PSD3: variants seen among roughly 807,000 people sequenced by gnomAD.
The protein encoded by PSD3 is pleckstrin and Sec7 domain containing 3, also known as PH and SEC7 domain-containing protein 3.
Under a neutral mutation model 105.5 loss-of-function variants are expected in PSD3, and 49 were observed. The ratio of observed to expected loss-of-function variants is 0.46; its 90% CI spans 0.37 to 0.59. The LOEUF is 0.59. Ranked by LOEUF, PSD3 falls within the 20% of genes least tolerant of loss-of-function variation. PSD3 has a pLI of 0.00. For synonymous variants in PSD3, 557 were observed against 457.8 expected (o/e 1.22, Z -2.77); for missense variants, 1,561 against 1,263.8 (o/e 1.24, Z -3.57).
chr8:18,662,203 A>T (rs1809398211), intron 9 of PSD3, among the ~76,000 whole-genome samples: 1 of 152,184 alleles, frequency 6.6e-6, no homozygotes, highest in Non-Finnish European at 1.5e-5. Flanking sequence ...CCCTTATCTT[A>T]TTGAAAGAGA....
intron 2 of PSD3, among the ~76,000 whole-genome samples, chr8:18,873,343 T>C (rs1817517294): frequency 6.6e-6 from 1 of 152,234 alleles, no homozygotes; most frequent in South Asian, 2.1e-4. Context: ...ACTTAGTGTG[T>C]TGAGAAAGAC....
At chr8:18,659,258 T>C (rs1415259913) in intron 9 of PSD3, among the ~76,000 whole-genome samples, 1 of 152,198 alleles carries the variant, frequency 6.6e-6, no homozygotes, top group Non-Finnish European at 1.5e-5. Flanking sequence ...ATTAATGCCA[T>C]TGAATATTCA....
chr8:18,966,746 C>G (rs561674821), intron 1 of PSD3, among the ~76,000 whole-genome samples: 1 of 152,072 alleles, frequency 6.6e-6, no homozygotes, highest in Admixed American at 6.6e-5. Flanking sequence ...GACCAACGGG[C>G]ACATCTTCTT....
chr8:18,713,904 A>C (rs1405411728), intron 9 of PSD3, among the ~76,000 whole-genome samples: 1 of 152,194 alleles, frequency 6.6e-6, no homozygotes, highest in Admixed American at 6.5e-5. Flanking sequence ...CAGTAACCAA[A>C]ACAGTATGGT....
rs1009335036 is a variant in PSD3, at chr8:19,013,660, G to C, written c.-77C>G. The stretch of plus-strand genomic sequence containing the variant: ...GCCGCAGCCTCAGGGCGCGAGTGCC[G>C]GCGGCCAGCGCCGCGTGCTCTTTGT... On this transcript the variant is annotated 5_prime_UTR_variant, in exon 1 of 16. Transcript: ENST00000327040. 1.8e-5 allele frequency: 21 copies of C among 1,196,886 alleles called. No individual in the cohort carries two copies. Among genetic ancestry groups the C allele is most frequent in the South Asian group, 6.6e-5 (2 of 30,208 alleles). The allele number at this position is 1,196,886 out of a possible 1,614,324, so 74.1% of individuals were successfully genotyped here. A position where few individuals can be genotyped will look rare whatever the true frequency, so the allele number is the denominator to read the frequency against.
At chr8:18,737,221 C>A (rs548424377) in intron 9 of PSD3, among the ~76,000 whole-genome samples, 42 of 152,324 alleles carry the variant, frequency 2.8e-4, no homozygotes, top group African/African-American at 8.4e-4. Context: ...ATAGCCACAG[C>A]TGAGAAACAC....
At chr8:18,868,384 G>T (rs912500103) in intron 3 of PSD3, among the ~76,000 whole-genome samples, 1 of 152,150 alleles carries the variant, frequency 6.6e-6, no homozygotes, top group South Asian at 2.1e-4. Context: ...TACACATTCA[G>T]ATTATTTGCA....
intron 1 of PSD3, among the ~76,000 whole-genome samples, chr8:19,045,739 C>T (rs1380236736): frequency 6.6e-6 from 1 of 152,184 alleles, no homozygotes; most frequent in Non-Finnish European, 1.5e-5. Flanking sequence ...AGCCAAAAAC[C>T]AGCTAGTGTT....
chr8:18,649,748 G>C (rs1176682397), intron 10 of PSD3, among the ~76,000 whole-genome samples: 1 of 152,224 alleles, frequency 6.6e-6, no homozygotes, highest in Non-Finnish European at 1.5e-5. Flanking sequence ...TAAGTGATTG[G>C]ATCATGGGGG....
intron 14 of PSD3, among the ~76,000 whole-genome samples, chr8:18,560,321 G>C (rs17126810): frequency 0.03 from 4,510 of 152,138 alleles, 144 homozygotes; most frequent in African/African-American, 0.083. Flanking sequence ...AACTACATTT[G>C]TAATAGACAC....
At chr8:18,710,397 C>G (rs950322420) in intron 9 of PSD3, among the ~76,000 whole-genome samples, 1 of 152,076 alleles carries the variant, frequency 6.6e-6, no homozygotes, top group African/African-American at 2.4e-5. Context: ...ACAGGGGGAA[C>G]AGAACCAGGT....
chr8:18,576,277 T>A (rs776375515), intron 12 of PSD3, among the ~76,000 whole-genome samples: 3 of 152,152 alleles, frequency 2.0e-5, no homozygotes, highest in Non-Finnish European at 4.4e-5. Flanking sequence ...TACAATATGA[T>A]GTAAATACCA....
chr8:19,063,233 G>A (rs1828962596), intron 1 of PSD3, among the ~76,000 whole-genome samples: 2 of 152,130 alleles, frequency 1.3e-5, no homozygotes, highest in African/African-American at 4.8e-5. Context: ...TCTAAATTGG[G>A]CACACTGGTT....
At chr8:18,791,657 A>C (rs1283123503) in intron 8 of PSD3, among the ~76,000 whole-genome samples, 1 of 152,230 alleles carries the variant, frequency 6.6e-6, no homozygotes, top group Non-Finnish European at 1.5e-5. Flanking sequence ...ACCATTCTGC[A>C]CACAGACATG....
At chr8:18,556,119 C>G in intron 15 of PSD3, 90 bp downstream of exon 15, 1 of 1,458,240 alleles carries the variant, frequency 6.9e-7, no homozygotes, top group Non-Finnish European at 9.3e-7. Context: ...ACGCCTCTCT[C>G]AGTGACACTG....
intron 14 of PSD3, among the ~76,000 whole-genome samples, chr8:18,570,663 G>A (rs1196263404): frequency 1.3e-5 from 2 of 148,476 alleles, no homozygotes; most frequent in Non-Finnish European, 3.0e-5. Context: ...GTGGGCGAAG[G>A]ACATGAACAG....
intron 1 of PSD3, among the ~76,000 whole-genome samples, chr8:19,035,028 T>C (rs984889425): frequency 5.3e-5 from 8 of 152,132 alleles, no homozygotes; most frequent in Non-Finnish European, 8.8e-5. Flanking sequence ...AGATAAGATA[T>C]GAACAGAGTA....
chr8:18,865,251 TA>T (rs1563360029), intron 4 of PSD3: 5 of 2,984 alleles, frequency 1.7e-3, no homozygotes, highest in Admixed American at 5.0e-3. Flanking sequence ...TATATATATA[TA>T]TATATATATA....
intron 10 of PSD3, among the ~76,000 whole-genome samples, chr8:18,637,170 T>C (rs899206206): frequency 1.3e-5 from 2 of 152,216 alleles, no homozygotes; most frequent in African/African-American, 4.8e-5. Context: ...TGTACTAGAG[T>C]ACAGTGTTTG....
Sources: gnomAD v4.1 joint callset for allele counts (sites outside exome capture counted in the v4.1 genomes callset) on GRCh38, gnomAD v4.1.1 for gene constraint, MANE v1.5 for transcripts, NCBI Gene and HGNC (gene_info 2026-07-23, HGNC 2026-07-21) for gene names.